Variants in THRB observed in about 807,000 individuals in gnomAD.
THRB encodes the protein nuclear receptor subfamily 1 group A member 2.
Under a neutral mutation model 47.8 loss-of-function variants are expected in THRB, and 12 were observed. The ratio of observed to expected loss-of-function variants is 0.25; its 90% CI spans 0.16 to 0.41. The LOEUF (loss-of-function observed/expected upper bound fraction) is 0.41. Ranked by LOEUF, THRB falls within the 10% of genes least tolerant of loss-of-function variation. The pLI, the probability that THRB is intolerant of heterozygous loss-of-function variation, is 1.00. For synonymous variants in THRB, 218 were observed against 212.2 expected (o/e 1.03, Z -0.24); for missense variants, 348 against 589.2 (o/e 0.59, Z 4.24).
At chr3:24,188,064 ATC>A (rs2042828467) in intron 5 of THRB, among the ~76,000 whole-genome samples, 1 of 152,182 alleles carries the variant, frequency 6.6e-6, no homozygotes, top group Non-Finnish European at 1.5e-5. Flanking sequence ...TTCTCATTAC[ATC>A]TCTGACTTTC....
intron 8 of THRB, among the ~76,000 whole-genome samples, chr3:24,139,348 C>G (rs770007267): frequency 7.9e-4 from 120 of 151,550 alleles, no homozygotes; most frequent in Middle Eastern, 3.4e-3. Context: ...AAATCACTGT[C>G]TCTGTTTCTT....
At chr3:24,450,824 C>T (rs1344456554) in intron 1 of THRB, among the ~76,000 whole-genome samples, 4 of 152,178 alleles carry the variant, frequency 2.6e-5, no homozygotes. Context: ...GTGCCACTGA[C>T]ATGCAGTCAG....
intron 5 of THRB, among the ~76,000 whole-genome samples, chr3:24,169,139 A>G (rs2040076563): frequency 6.6e-6 from 1 of 152,126 alleles, no homozygotes; most frequent in Admixed American, 6.5e-5. Flanking sequence ...TAGTAATTGA[A>G]CCGCTAAATT....
At chr3:24,364,397 A>T (rs1476951709) in intron 1 of THRB, among the ~76,000 whole-genome samples, 1 of 152,190 alleles carries the variant, frequency 6.6e-6, no homozygotes, top group Admixed American at 6.6e-5. Flanking sequence ...ACTATATGTC[A>T]GGCACTTTAT....
intron 3 of THRB, among the ~76,000 whole-genome samples, chr3:24,273,121 A>T (rs826236): frequency 6.6e-6 from 1 of 152,058 alleles, no homozygotes; most frequent in African/African-American, 2.4e-5. Flanking sequence ...ACAGGTTGCT[A>T]TGAATTAAAC....
chr3:24,122,588 A>G lies in THRB; in HGVS notation c.*296T>C, dbSNP rs1031567527. On this transcript the variant is annotated 3_prime_UTR_variant, in exon 11 of 11. Coordinates refer to ENST00000646209, the MANE Select transcript of THRB (RefSeq NM_001354712.2). ...TGCTGACTCAAGTCTTGGACCAGGG[A>G]CGGGTGGGAGCTGGTGATGCTTGGT... 2 of 439,866 alleles carry G rather than the reference A, an allele frequency of 4.5e-6. No homozygotes were observed. Among genetic ancestry groups the G allele is most frequent in the African/African-American group, 4.0e-5 (2 of 50,050 alleles). 27.2% of individuals were successfully genotyped at this position (439,866 alleles called of 1,614,324 possible).
At chr3:24,295,317 C>T (rs1054674315) in intron 3 of THRB, among the ~76,000 whole-genome samples, 2 of 152,198 alleles carry the variant, frequency 1.3e-5, no homozygotes, top group African/African-American at 2.4e-5. Flanking sequence ...CAAGAAGGTA[C>T]ATTTTTCTTT....
rs2062140754 is a variant in THRB at position 24,334,825 on chromosome 3, C to T, written c.-189+2475G>A. Among the ~76,000 whole-genome samples the T allele has an allele frequency of 2.0e-5, 3 of 152,174 alleles. No individual in the cohort carries two copies. In the South Asian group the frequency reaches 6.2e-4, roughly 31 times the overall value. On this transcript the variant is annotated intron_variant, in intron 2 of 10. Coordinates refer to ENST00000646209, the MANE Select transcript of THRB (RefSeq NM_001354712.2). ...CAGAACCATCCTGAATGTGCCAGAC[C>T]TGGACCATGTCTTTCTGTACAATCT...
intron 2 of THRB, among the ~76,000 whole-genome samples, chr3:24,299,775 TTATTTATTTATTTA>T (rs1323384061): frequency 0.027 from 933 of 34,990 alleles, 200 homozygotes; most frequent in African/African-American, 0.074. Context: ...GCTTTTTTAT[TTATTTATTTATTTA>T]TTTTTTTTTT....
intron 1 of THRB, among the ~76,000 whole-genome samples, chr3:24,478,044 A>G (rs1695755237): frequency 6.6e-6 from 1 of 151,982 alleles, no homozygotes; most frequent in Non-Finnish European, 1.5e-5. Context: ...AAAATGGTCT[A>G]TGTTCCTAAA....
intron 3 of THRB, among the ~76,000 whole-genome samples, chr3:24,272,059 T>C (rs2053391761): frequency 6.6e-6 from 1 of 152,172 alleles, no homozygotes; most frequent in Non-Finnish European, 1.5e-5. Context: ...AATTTTCCTA[T>C]AGTCTGGGCA....
intron 4 of THRB, among the ~76,000 whole-genome samples, chr3:24,223,847 G>T (rs1372577363): frequency 6.6e-6 from 1 of 151,900 alleles, no homozygotes; most frequent in East Asian, 1.9e-4. Flanking sequence ...AAACAAACAG[G>T]TTAAGTTATA....
chr3:24,301,692 T>C (rs2056954441), intron 2 of THRB, among the ~76,000 whole-genome samples: 2 of 152,186 alleles, frequency 1.3e-5, no homozygotes, highest in Non-Finnish European at 2.9e-5. Flanking sequence ...CAAAGATGGT[T>C]CCCCAAAAAG....
At chr3:24,359,296 C>T (rs2063910193) in intron 1 of THRB, among the ~76,000 whole-genome samples, 1 of 152,156 alleles carries the variant, frequency 6.6e-6, no homozygotes, top group Admixed American at 6.5e-5. Flanking sequence ...CTGGGATTAT[C>T]TCCCAGAGTT....
At chr3:24,135,135 T>A (rs2034454461) in intron 8 of THRB, among the ~76,000 whole-genome samples, 1 of 152,176 alleles carries the variant, frequency 6.6e-6, no homozygotes, top group African/African-American at 2.4e-5. Context: ...AACCACTGAG[T>A]TAGCAGTAAC....
At chr3:24,365,676 C>A (rs1301967474) in intron 1 of THRB, among the ~76,000 whole-genome samples, 2 of 152,052 alleles carry the variant, frequency 1.3e-5, no homozygotes, top group East Asian at 1.9e-4. Context: ...TTCTTAGAAA[C>A]CTTAATTTTA....
chr3:24,463,121 T>A (rs1178667976), intron 1 of THRB, among the ~76,000 whole-genome samples: 1 of 152,198 alleles, frequency 6.6e-6, no homozygotes, highest in Admixed American at 6.5e-5. Flanking sequence ...CAGGGCTAGT[T>A]AAGGGAGAAG....
At chr3:24,355,113 C>T (rs1366665694) in intron 1 of THRB, among the ~76,000 whole-genome samples, 2 of 152,126 alleles carry the variant, frequency 1.3e-5, no homozygotes, top group Non-Finnish European at 2.9e-5. Context: ...TTAAAACTAA[C>T]ATCCTCAATA....
intron 1 of THRB, among the ~76,000 whole-genome samples, chr3:24,404,392 C>G (rs1004727553): frequency 6.6e-6 from 1 of 151,910 alleles, no homozygotes; most frequent in Non-Finnish European, 1.5e-5. Flanking sequence ...AATTTTCACA[C>G]TTATCATAAA....
Sources: allele counts gnomAD v4.1 joint callset (sites outside exome capture counted in the v4.1 genomes callset), GRCh38; gene constraint gnomAD v4.1.1; transcripts MANE v1.5; gene names NCBI Gene and HGNC (gene_info 2026-07-23, HGNC 2026-07-21).